The following ZEB1 variants were observed in gnomAD, a reference collection of about 807,000 sequenced individuals.
ZEB1 encodes the protein zinc finger E-box binding homeobox 1.
In ZEB1, 21 loss-of-function variants were observed where a neutral mutation model predicts 84.9. The observed-to-expected ratio is 0.25, with a 90% confidence interval of 0.18 to 0.36. The LOEUF is 0.36. ZEB1 is among the 10% of genes least tolerant of loss of function. ZEB1 has a pLI of 1.00. For synonymous variants in ZEB1, 420 were observed against 471.1 expected (o/e 0.89, Z 1.41); for missense variants, 1,104 against 1,330.2 (o/e 0.83, Z 2.65).
chr10:31,321,203 G>A (rs930761406), intron 1 of ZEB1: 1 of 1,108,028 alleles, frequency 9.0e-7, no homozygotes, highest in African/African-American at 1.6e-5. Context: ...TAGATTTTGT[G>A]TGGGATTTCC....
At chr10:31,469,406 C>A (rs887374788) in intron 2 of ZEB1, among the ~76,000 whole-genome samples, 2 of 152,186 alleles carry the variant, frequency 1.3e-5, no homozygotes, top group East Asian at 1.9e-4. Flanking sequence ...TCGGGAAGCG[C>A]AAGGGGTCAG....
chr10:31,510,053 C>T (rs904920614), intron 4 of ZEB1, among the ~76,000 whole-genome samples: 3 of 152,116 alleles, frequency 2.0e-5, no homozygotes, highest in Admixed American at 6.6e-5. Context: ...ATGTAGCAGG[C>T]CTAGATCTGG....
chr10:31,339,059 A>G (rs946705819), intron 1 of ZEB1, among the ~76,000 whole-genome samples: 3 of 152,162 alleles, frequency 2.0e-5, no homozygotes, highest in Admixed American at 6.5e-5. Flanking sequence ...GCAAAGAGAG[A>G]AGAATCAGAC....
chr10:31,457,421 C>T (rs2061362357), intron 1 of ZEB1, among the ~76,000 whole-genome samples: 1 of 151,834 alleles, frequency 6.6e-6, no homozygotes, highest in Non-Finnish European at 1.5e-5. Context: ...TGTTTTTTTT[C>T]TCTCAGCTAA....
chr10:31,426,950 G>T (rs1173617877), intron 1 of ZEB1, among the ~76,000 whole-genome samples: 1 of 138,024 alleles, frequency 7.2e-6, no homozygotes, highest in African/African-American at 3.5e-5. Context: ...GAATATAGAA[G>T]ACAGCTTTGT....
intron 1 of ZEB1, among the ~76,000 whole-genome samples, chr10:31,450,322 C>A (rs1317253166): frequency 1.3e-5 from 2 of 151,902 alleles, no homozygotes; most frequent in African/African-American, 2.4e-5. Context: ...ATTTGTGTTG[C>A]TAGTAATAGA....
chr10:31,463,988 G>A lies in ZEB1; in HGVS notation c.259+2751G>A, dbSNP rs137952644. On this transcript the variant is annotated intron_variant, in intron 2 of 8. Coordinates refer to ENST00000424869, the MANE Select transcript of ZEB1 (RefSeq NM_001174096.2). Reference sequence around the variant, plus strand: ...AGATTTATAAAATGACTACTGTCTTGTTTAAAGAAAAATCAGATGGTTATC... The same window carrying A: ...AGATTTATAAAATGACTACTGTCTTATTTAAAGAAAAATCAGATGGTTATC... Among the ~76,000 whole-genome samples, 71 of 152,178 alleles carry A rather than the reference G, an allele frequency of 4.7e-4. 1 individual carries two copies. Among genetic ancestry groups the A allele is most frequent in the African/African-American group, 1.5e-3 (61 of 41,544 alleles).
At chr10:31,372,245 A>C (rs1358817382) in intron 1 of ZEB1, among the ~76,000 whole-genome samples, 3 of 152,116 alleles carry the variant, frequency 2.0e-5, no homozygotes, top group Admixed American at 1.3e-4. Flanking sequence ...CTAAAGACTT[A>C]AATTGTCAAT....
intron 1 of ZEB1, among the ~76,000 whole-genome samples, chr10:31,438,226 G>A (rs1439672273): frequency 6.6e-6 from 1 of 152,170 alleles, no homozygotes. Flanking sequence ...CTGGTGTTCA[G>A]CAAGTATTAC....
At chr10:31,346,663 A>G (rs1484568294) in intron 1 of ZEB1, among the ~76,000 whole-genome samples, 1 of 152,134 alleles carries the variant, frequency 6.6e-6, no homozygotes, top group Non-Finnish European at 1.5e-5. Flanking sequence ...AAAATGAAAT[A>G]TCATCTAAAA....
At position 31,425,998 on chromosome 10, in the gene ZEB1, G is replaced by A. The variant is rs965978802; in HGVS notation, c.59-35039G>A. 4.6e-5 allele frequency among the ~76,000 whole-genome samples: 7 copies of A among 152,098 alleles called. No individual in the cohort carries two copies. The South Asian group carries it at 1.2e-3, about 27-fold the overall frequency. On this transcript the variant is annotated intron_variant, in intron 1 of 8. Coordinates refer to ENST00000424869, the MANE Select transcript of ZEB1 (RefSeq NM_001174096.2). ...AATAATTTATTTTTGGAGTACCATG[G>A]TACTTTGGAGAGAACTCTAGAGACC...
At chr10:31,394,085 C>A (rs974016919) in intron 1 of ZEB1, among the ~76,000 whole-genome samples, 1 of 152,132 alleles carries the variant, frequency 6.6e-6, no homozygotes, top group African/African-American at 2.4e-5. Flanking sequence ...AGAACCCAAT[C>A]TGAGGTCAGA....
intron 1 of ZEB1, among the ~76,000 whole-genome samples, chr10:31,429,878 G>C (rs1450199184): frequency 1.3e-5 from 2 of 151,568 alleles, no homozygotes; most frequent in African/African-American, 4.9e-5. Flanking sequence ...TGAGTAGCTG[G>C]GATTACAGCC....
At chr10:31,324,520 AGAG>A (rs1255345744) in intron 1 of ZEB1, among the ~76,000 whole-genome samples, 2 of 152,066 alleles carry the variant, frequency 1.3e-5, no homozygotes, top group Non-Finnish European at 2.9e-5. Context: ...GAATTGCAGC[AGAG>A]GAGGAGAAAA....
chr10:31,477,793 G>T (rs915731277), intron 2 of ZEB1, among the ~76,000 whole-genome samples: 1 of 151,966 alleles, frequency 6.6e-6, no homozygotes, highest in Non-Finnish European at 1.5e-5. Context: ...GTGGTGCTGG[G>T]AAATTGGCCA....
chr10:31,476,188 G>A (rs1376087298), intron 2 of ZEB1, among the ~76,000 whole-genome samples: 1 of 151,926 alleles, frequency 6.6e-6, no homozygotes, highest in Non-Finnish European at 1.5e-5. Context: ...TCTTTGAATG[G>A]ATAAACAAAA....
At chr10:31,479,074 C>A (rs1159747529) in intron 2 of ZEB1, among the ~76,000 whole-genome samples, 1 of 151,650 alleles carries the variant, frequency 6.6e-6, no homozygotes, top group Non-Finnish European at 1.5e-5. Context: ...ACAACTGATA[C>A]TAAACAAAGA....
intron 1 of ZEB1, chr10:31,360,907 C>T: frequency 6.9e-7 from 1 of 1,457,728 alleles, no homozygotes; most frequent in Non-Finnish European, 9.5e-7. Flanking sequence ...TGAAACAGTA[C>T]TGCATGGATG....
At chr10:31,363,326 A>G (rs2043732848) in intron 1 of ZEB1, 1 of 1,533,816 alleles carries the variant, frequency 6.5e-7, no homozygotes, top group East Asian at 2.4e-5. Context: ...GGGCTGTGTG[A>G]ACTGGCGACT....
Sources: gnomAD v4.1 joint callset for allele counts (sites outside exome capture counted in the v4.1 genomes callset) on GRCh38, gnomAD v4.1.1 for gene constraint, MANE v1.5 for transcripts, NCBI Gene and HGNC (gene_info 2026-07-23, HGNC 2026-07-21) for gene names.